The following PADI1 variants were observed in gnomAD, a reference collection of about 807,000 sequenced individuals.
The protein encoded by PADI1 is peptidyl arginine deiminase 1, also known as protein-arginine deiminase type-1.
In PADI1, 65 loss-of-function variants were observed where a neutral mutation model predicts 74.8. That is an observed-to-expected ratio of 0.87 (90% CI 0.71 to 1.07). The LOEUF (loss-of-function observed/expected upper bound fraction) is 1.07, where lower values mean the gene tolerates loss of function less well. Ranked by LOEUF, PADI1 falls within the 50% of genes least tolerant of loss-of-function variation. The probability of loss-of-function intolerance (pLI) is 0.00; values close to 1 mark genes in which losing one functional copy is unlikely to be tolerated. For synonymous variants in PADI1, 371 were observed against 336.2 expected, an observed-to-expected ratio of 1.10 and a Z score of -1.13; for missense variants, 943 against 854.0, an observed-to-expected ratio of 1.10 and a Z score of -1.30.
At chr1:17,210,346 G>A (rs1174169778) in intron 1 of PADI1, among the ~76,000 whole-genome samples, 1 of 151,904 alleles carries the variant, frequency 6.6e-6, no homozygotes, top group Non-Finnish European at 1.5e-5. Flanking sequence ...TTACCTTGAG[G>A]AATTCCACAA....
At chr1:17,226,295 AAT>A in intron 6 of PADI1, 137 bp downstream of exon 6, 1 of 915,774 alleles carries the variant, frequency 1.1e-6, no homozygotes. Context: ...ATCAGTACCA[AAT>A]ATAGTCCTCA....
At chr1:17,205,408 G>T in intron 1 of PADI1, 99 bp downstream of exon 1, 1 of 880,682 alleles carries the variant, frequency 1.1e-6, no homozygotes, top group Non-Finnish European at 1.9e-6. Flanking sequence ...CGTTGGAAAG[G>T]ATGCTGGCAG....
intron 1 of PADI1, among the ~76,000 whole-genome samples, chr1:17,208,487 CCTGACT>C (rs2071739845): frequency 8.0e-6 from 1 of 124,548 alleles, no homozygotes; most frequent in African/African-American, 2.9e-5. Flanking sequence ...CCTGTCCACC[CCTGACT>C]CCAGAGGGCT....
intron 1 of PADI1, among the ~76,000 whole-genome samples, chr1:17,209,616 C>T (rs1180041333): frequency 6.6e-6 from 1 of 152,148 alleles, no homozygotes; most frequent in Non-Finnish European, 1.5e-5. Context: ...CCTCCGCTTT[C>T]CGCCTCCTTA....
intron 12 of PADI1, 85 bp downstream of exon 12, chr1:17,237,543 G>T (rs182877280): frequency 1.5e-6 from 2 of 1,337,838 alleles, no homozygotes; most frequent in Non-Finnish European, 2.0e-6. Context: ...TCTGGAACCA[G>T]CTCAACCCTG....
In PADI1 at chr1:17,206,888, T is replaced by C. The variant is rs142186593; in HGVS notation, c.92+1579T>C. On this transcript the variant is annotated intron_variant, in intron 1 of 15. Transcript: ENST00000375471. ...TAGAGACAAGGTTTTGCCATGTTGGTCAGGCTGGTCTCAAACTCCTGACCT... is the reference window on the plus strand; with the variant it reads ...TAGAGACAAGGTTTTGCCATGTTGGCCAGGCTGGTCTCAAACTCCTGACCT... 6.9e-3 allele frequency among the ~76,000 whole-genome samples: 1,054 copies of C among 151,758 alleles called. 15 individuals carry two copies. Among genetic ancestry groups the C allele is most frequent in the African/African-American group, 0.024 (1,006 of 41,404 alleles).
chr1:17,208,140 G>C (rs972582252), intron 1 of PADI1, among the ~76,000 whole-genome samples: 1 of 152,226 alleles, frequency 6.6e-6, no homozygotes, highest in African/African-American at 2.4e-5. Context: ...TGGTGGGAGG[G>C]GGGAAGCCCC....
intron 1 of PADI1, among the ~76,000 whole-genome samples, chr1:17,214,452 T>C (rs2100413653): frequency 6.6e-6 from 1 of 152,260 alleles, no homozygotes; most frequent in East Asian, 1.9e-4. Flanking sequence ...CCAAGACACC[T>C]GACAGGGTGA....
At chr1:17,223,426 C>G in intron 2 of PADI1, 195 bp from the exon 3 acceptor site, 1 of 584,904 alleles carries the variant, frequency 1.7e-6, no homozygotes, top group Non-Finnish European at 3.1e-6. Flanking sequence ...CCAAGGTGGG[C>G]TCCACAGCCA....
rs2072829738 is a variant in PADI1 at position 17,244,045 on chromosome 1, C to T, written c.1794C>T (p.Ile598=). ...NMVVLGKYLG[I]PKPYGPIING... Reference sequence around the variant, plus strand: ...TGGTCTTAGGCAAGTACCTGGGCATCCCCAAGCCCTACGGGCCCATCATCA... The same window carrying T: ...TGGTCTTAGGCAAGTACCTGGGCATTCCCAAGCCCTACGGGCCCATCATCA... Residue 598 remains isoleucine, a synonymous_variant, in exon 16 of 16, where the codon ATC becomes ATT. Transcript: ENST00000375471. 6.2e-7 allele frequency: 1 copy of T among 1,614,022 alleles called. No homozygotes were observed. Among genetic ancestry groups the T allele is most frequent in the South Asian group, 1.1e-5 (1 of 91,082 alleles).
chr1:17,216,660 C>T (rs528648330), intron 1 of PADI1, among the ~76,000 whole-genome samples: 35 of 152,196 alleles, frequency 2.3e-4, no homozygotes, highest in African/African-American at 7.2e-4. Context: ...CACTTGAGGT[C>T]GGGAGTTCAA....
intron 1 of PADI1, among the ~76,000 whole-genome samples, chr1:17,217,589 A>G (rs560097086): frequency 6.6e-6 from 1 of 152,376 alleles, no homozygotes; most frequent in South Asian, 2.1e-4. Context: ...AGCAAATTAT[A>G]TTAAAAACAA....
intron 4 of PADI1, among the ~76,000 whole-genome samples, chr1:17,224,877 C>T (rs570893127): frequency 2.5e-4 from 38 of 151,764 alleles, no homozygotes; most frequent in Non-Finnish European, 3.4e-4. Context: ...GGGCTCAAGG[C>T]GTCACCCCAC....
chr1:17,215,460 G>A (rs990793330), intron 1 of PADI1, among the ~76,000 whole-genome samples: 4 of 152,042 alleles, frequency 2.6e-5, no homozygotes, highest in Non-Finnish European at 4.4e-5. Context: ...ACTTAGAGAT[G>A]TCAACTTTTG....
chr1:17,230,193 T>C lies in PADI1; in HGVS notation c.1038T>C (p.Asn346=), dbSNP rs765914246. 5.0e-6 allele frequency: 8 copies of C among 1,614,052 alleles called. No individual in the cohort carries two copies. The highest frequency in any genetic ancestry group is 6.8e-6 in the Non-Finnish European group (8 of 1,179,942). ...LTICPQVENR[N]DRWIQDEMEF... is the part of the protein sequence containing the mutation. ...TCTGCCCTCAAGTTGAAAATCGAAA[T>C]GACCGCTGGATCCAGGTGGGAGCTG... Residue 346 remains asparagine (N), a synonymous_variant, in exon 9 of 16, where the codon AAT becomes AAC. Transcript: ENST00000375471.
At chr1:17,238,990 G>A (rs2072716553) in intron 13 of PADI1, among the ~76,000 whole-genome samples, 1 of 152,176 alleles carries the variant, frequency 6.6e-6, no homozygotes, top group Admixed American at 6.5e-5. Flanking sequence ...CCTTATCCCT[G>A]TTCACAGAAG....
At chr1:17,223,244 C>G (rs898657686) in intron 2 of PADI1, among the ~76,000 whole-genome samples, 1 of 152,156 alleles carries the variant, frequency 6.6e-6, no homozygotes, top group Non-Finnish European at 1.5e-5. Flanking sequence ...GTTCTCATTC[C>G]CATCTTATTG....
chr1:17,205,441 T>C, intron 1 of PADI1, 132 bp downstream of exon 1: 1 of 735,990 alleles, frequency 1.4e-6, no homozygotes, highest in Admixed American at 2.1e-5. Context: ...AAGGTGGAGT[T>C]GGCTGTGGAG....
chr1:17,228,705 C>T lies in PADI1; in HGVS notation c.733C>T (p.Gln245Ter). 6.2e-7 allele frequency: 1 copy of T among 1,614,166 alleles called. No homozygotes were observed. The highest frequency in any genetic ancestry group is 8.5e-7 in the Non-Finnish European group (1 of 1,179,990). ...TGAAGTTGAGCGACAGCCAGGGGAG[C>T]AGGAGATCAAGTTCTATGTGGAGGG... ...SYEVERQPGE[Q>*]EIKFYVEGLT... The change falls in exon 7 of 16, where the codon CAG (glutamine) becomes TAG (stop). Residue 245 changes from glutamine (Q) to a stop codon, truncating the protein, a stop_gained. Transcript: ENST00000375471. LOFTEE classifies it high-confidence loss of function.
Sources: allele counts gnomAD v4.1 joint callset (sites outside exome capture counted in the v4.1 genomes callset), GRCh38; gene constraint gnomAD v4.1.1; transcripts MANE v1.5; gene names NCBI Gene and HGNC (gene_info 2026-07-23, HGNC 2026-07-21).